RBFOX1: variants seen among roughly 807,000 people sequenced by gnomAD.
RBFOX1 encodes RNA binding fox-1 homolog 1, also known as RNA binding protein fox-1 homolog 1.
A neutral mutation model predicts 57.7 loss-of-function variants in RBFOX1; 8 were observed. That is an observed-to-expected ratio of 0.14 (90% CI 0.08 to 0.25). RBFOX1 has a LOEUF of 0.25. Ranked by LOEUF, RBFOX1 falls within the 10% of genes least tolerant of loss-of-function variation. The probability of loss-of-function intolerance (pLI) is 1.00; values close to 1 mark genes in which losing one functional copy is unlikely to be tolerated. For missense variants in RBFOX1, 611 were observed against 548.5 expected (o/e 1.11, Z -1.14); for synonymous variants, 326 against 222.4 (o/e 1.47, Z -4.15).
At chr16:6,179,131 A>G (rs150252319) in intron 1 of RBFOX1, among the ~76,000 whole-genome samples, 29 of 152,112 alleles carry the variant, frequency 1.9e-4, no homozygotes, top group Non-Finnish European at 4.0e-4. Context: ...TAGAAACCCA[A>G]ATATAACAAG....
At chr16:7,499,608 G>T (rs1386104945) in intron 4 of RBFOX1, among the ~76,000 whole-genome samples, 1 of 152,156 alleles carries the variant, frequency 6.6e-6, no homozygotes, top group Non-Finnish European at 1.5e-5. Context: ...TCTGTCTAAA[G>T]AAGATAGACA....
intron 3 of RBFOX1, among the ~76,000 whole-genome samples, chr16:7,034,693 G>A (rs957318062): frequency 2.0e-5 from 3 of 151,712 alleles, no homozygotes; most frequent in East Asian, 1.9e-4. Context: ...GGAGACATTC[G>A]CCTTTCAGTG....
chr16:5,943,986 T>C (rs976982434), intron 4 of RBFOX1, among the ~76,000 whole-genome samples: 1 of 150,132 alleles, frequency 6.7e-6, no homozygotes, highest in Non-Finnish European at 1.5e-5. Flanking sequence ...CATCCATCTT[T>C]CCATCCACCC....
chr16:6,470,700 C>T (rs1467899790), intron 2 of RBFOX1, among the ~76,000 whole-genome samples: 1 of 152,138 alleles, frequency 6.6e-6, no homozygotes, highest in Non-Finnish European at 1.5e-5. Flanking sequence ...TGCCCCTGAA[C>T]CTGGTCATCG....
At chr16:5,979,469 C>G (rs1036696189) in intron 4 of RBFOX1, among the ~76,000 whole-genome samples, 2 of 152,208 alleles carry the variant, frequency 1.3e-5, no homozygotes, top group African/African-American at 4.8e-5. Flanking sequence ...ACCATAATAA[C>G]TAATTCACTG....
chr16:6,051,270 T>C (rs1263385802), intron 1 of RBFOX1, among the ~76,000 whole-genome samples: 1 of 151,958 alleles, frequency 6.6e-6, no homozygotes, highest in Non-Finnish European at 1.5e-5. Flanking sequence ...GTTACCATCA[T>C]CTTGATAATC....
At chr16:5,847,020 G>C (rs912360675) in intron 3 of RBFOX1, among the ~76,000 whole-genome samples, 2 of 152,180 alleles carry the variant, frequency 1.3e-5, no homozygotes, top group Non-Finnish European at 2.9e-5. Context: ...AAGAGGAGGG[G>C]AGAGAAGAAA....
At chr16:5,644,640 T>G (rs971496393) in intron 3 of RBFOX1, among the ~76,000 whole-genome samples, 2 of 152,218 alleles carry the variant, frequency 1.3e-5, no homozygotes, top group Non-Finnish European at 2.9e-5. Flanking sequence ...TCACAATTTT[T>G]TCCTCCACAA....
chr16:6,188,045 C>T (rs1226554659), intron 1 of RBFOX1, among the ~76,000 whole-genome samples: 6 of 152,164 alleles, frequency 3.9e-5, no homozygotes, highest in Non-Finnish European at 7.3e-5. Flanking sequence ...TCAGTGTCCA[C>T]GAAGGATCCT....
chr16:7,641,012 T>A (rs961597245), intron 11 of RBFOX1, among the ~76,000 whole-genome samples: 8 of 152,072 alleles, frequency 5.3e-5, no homozygotes, highest in African/African-American at 1.7e-4. Flanking sequence ...GAGGACAGTT[T>A]GATGCAATGG....
chr16:7,103,321 A>G (rs920664794), intron 4 of RBFOX1, among the ~76,000 whole-genome samples: 1 of 152,172 alleles, frequency 6.6e-6, no homozygotes, highest in African/African-American at 2.4e-5. Flanking sequence ...ATGAGTAATC[A>G]TTGTAGAATT....
chr16:5,729,772 C>G (rs1269037156), intron 3 of RBFOX1, among the ~76,000 whole-genome samples: 2 of 152,180 alleles, frequency 1.3e-5, no homozygotes, highest in African/African-American at 2.4e-5. Flanking sequence ...ACCACTCTAG[C>G]TGGTTTCTCC....
intron 3 of RBFOX1, among the ~76,000 whole-genome samples, chr16:6,763,565 C>G (rs2076928522): frequency 6.6e-6 from 1 of 152,192 alleles, no homozygotes; most frequent in South Asian, 2.1e-4. Context: ...GGGGTTATTT[C>G]TTAATAAGCT....
chr16:6,885,326 C>G (rs1034156069), intron 3 of RBFOX1, among the ~76,000 whole-genome samples: 1 of 152,120 alleles, frequency 6.6e-6, no homozygotes, highest in South Asian at 2.1e-4. Context: ...GTCAGAAGCT[C>G]TAGGGTTTGG....
chr16:6,889,988 A>G (rs149926137), intron 3 of RBFOX1, among the ~76,000 whole-genome samples: 63 of 152,336 alleles, frequency 4.1e-4, no homozygotes, highest in Admixed American at 5.9e-4. Flanking sequence ...CAATGTGTTT[A>G]TATTTGTACA....
chr16:5,661,653 T>C (rs2049655278), intron 3 of RBFOX1, among the ~76,000 whole-genome samples: 1 of 152,242 alleles, frequency 6.6e-6, no homozygotes, highest in African/African-American at 2.4e-5. Context: ...AACACGTTGG[T>C]CCTCACCCGT....
chr16:5,826,818 C>G (rs1296759201), intron 3 of RBFOX1, among the ~76,000 whole-genome samples: 1 of 152,166 alleles, frequency 6.6e-6, no homozygotes, highest in Non-Finnish European at 1.5e-5. Flanking sequence ...TTTGTTAACA[C>G]TATTGTGAGA....
intron 3 of RBFOX1, among the ~76,000 whole-genome samples, chr16:6,987,026 A>C (rs2090439802): frequency 6.6e-6 from 1 of 152,112 alleles, no homozygotes; most frequent in South Asian, 2.1e-4. Flanking sequence ...GTGGAATGAA[A>C]CTTGCAAATA....
intron 2 of RBFOX1, among the ~76,000 whole-genome samples, chr16:6,377,449 G>T (rs1042808062): frequency 1.3e-5 from 2 of 152,152 alleles, no homozygotes; most frequent in South Asian, 4.1e-4. Flanking sequence ...ATCCAACCCA[G>T]TGTACAAGGC....
Sources: allele counts gnomAD v4.1 joint callset (sites outside exome capture counted in the v4.1 genomes callset), GRCh38; gene constraint gnomAD v4.1.1; transcripts MANE v1.5; gene names NCBI Gene and HGNC (gene_info 2026-07-23, HGNC 2026-07-21).